NCKAP1: variants seen among roughly 807,000 people sequenced by gnomAD.
NCKAP1 encodes nck-associated protein 1.
Under a neutral mutation model 151.2 loss-of-function variants are expected in NCKAP1, and 21 were observed. That is an observed-to-expected ratio of 0.14 (90% CI 0.10 to 0.20). NCKAP1 has a LOEUF of 0.20. Among genes scored for constraint, NCKAP1 ranks in the 10% least tolerant of loss-of-function variants. NCKAP1 has a pLI of 1.00. For synonymous variants in NCKAP1, 484 were observed against 451.8 expected (o/e 1.07, Z -0.90); for missense variants, 933 against 1,352.1 (o/e 0.69, Z 4.86).
intron 23 of NCKAP1, among the ~76,000 whole-genome samples, chr2:182,945,765 A>C (rs999690673): frequency 6.6e-6 from 1 of 152,184 alleles, no homozygotes; most frequent in Non-Finnish European, 1.5e-5. Flanking sequence ...AAGAACTTAA[A>C]ACAGAATTAC....
rs887288947 is a variant in NCKAP1, at chr2:182,918,873, A to C, written c.*6829T>G. 3 of 152,250 alleles carry C rather than the reference A, an allele frequency of 2.0e-5. No individual in the cohort carries two copies. The highest frequency in any genetic ancestry group is 2.9e-5 in the Non-Finnish European group (2 of 68,036). The allele number at this position is 152,250 out of a possible 1,614,324, so 9.4% of individuals were successfully genotyped here. On this transcript the variant is annotated 3_prime_UTR_variant, in exon 31 of 31. Transcript: ENST00000361354. ...TTAATTAAAAAATGCTATTGGTTAG[A>C]AAAGTCCACACTCACATTTGAGAGA...
chr2:182,987,037 T>C (rs1419117092), intron 9 of NCKAP1, among the ~76,000 whole-genome samples: 1 of 151,324 alleles, frequency 6.6e-6, no homozygotes, highest in Non-Finnish European at 1.5e-5. Flanking sequence ...AGGGCAGGAG[T>C]TCAAGACCAG....
intron 2 of NCKAP1, among the ~76,000 whole-genome samples, chr2:183,006,954 C>CT (rs1698483414): frequency 6.6e-6 from 1 of 151,860 alleles, no homozygotes; most frequent in Non-Finnish European, 1.5e-5. Flanking sequence ...TCACTGCAAT[C>CT]TCTGCCTTCC....
At chr2:183,034,364 T>G (rs1699061850) in intron 1 of NCKAP1, among the ~76,000 whole-genome samples, 1 of 141,610 alleles carries the variant, frequency 7.1e-6, no homozygotes, top group African/African-American at 2.5e-5. Context: ...CTTTAAAAAG[T>G]TTGTAATAGT....
At chr2:183,004,502 A>C (rs1404158044) in intron 2 of NCKAP1, among the ~76,000 whole-genome samples, 1 of 151,612 alleles carries the variant, frequency 6.6e-6, no homozygotes, top group Non-Finnish European at 1.5e-5. Context: ...AAAAAAAAAA[A>C]AAAAACAGCA....
At chr2:183,000,469 T>C (rs1175774320) in intron 6 of NCKAP1, among the ~76,000 whole-genome samples, 2 of 151,918 alleles carry the variant, frequency 1.3e-5, no homozygotes, top group Non-Finnish European at 2.9e-5. Flanking sequence ...AAATCCTAAA[T>C]GGATCCAGAG....
At position 182,912,441 on chromosome 2, in the gene NCKAP1, T is replaced by A. The variant is rs1696410026; in HGVS notation, c.*13261A>T. On this transcript the variant is annotated 3_prime_UTR_variant, in exon 31 of 31. Transcript: ENST00000361354. ...ATGTGGCAATGAGATACAAGTGCCATCTTTTAGCACATTATAATAATCCTG... is the reference window on the plus strand; with the variant it reads ...ATGTGGCAATGAGATACAAGTGCCAACTTTTAGCACATTATAATAATCCTG... 1 of 152,208 alleles carries A rather than the reference T, an allele frequency of 6.6e-6. No homozygotes were observed. The highest frequency in any genetic ancestry group is 1.5e-5 in the Non-Finnish European group (1 of 68,038). The allele number at this position is 152,208 out of a possible 1,614,324, so 9.4% of individuals were successfully genotyped here.
At chr2:182,974,210 T>C (rs1190417561) in intron 15 of NCKAP1, among the ~76,000 whole-genome samples, 2 of 150,256 alleles carry the variant, frequency 1.3e-5, no homozygotes, top group Admixed American at 6.7e-5. Flanking sequence ...TCTGGCTTAG[T>C]GTTATGTCCC....
Position 183,038,136 on chromosome 2 carries a change from G to A in NCKAP1, c.-37C>T. On this transcript the variant is annotated 5_prime_UTR_variant, in exon 1 of 31. Transcript: ENST00000361354. ...TGCCGCCGCCGCCGCCGGCCGCCTC[G>A]CGCCCAGTCACGGGCCCGCGGCCTT... The A allele has an allele frequency of 6.8e-7, 1 of 1,474,172 alleles. No homozygotes were observed. The highest frequency in any genetic ancestry group is 9.0e-7 in the Non-Finnish European group (1 of 1,109,330). 91.3% of individuals were successfully genotyped at this position (1,474,172 alleles called of 1,614,324 possible). A position where few individuals can be genotyped will look rare whatever the true frequency, so the allele number is the denominator to read the frequency against.
Position 182,914,722 on chromosome 2 carries a change from T to C in NCKAP1, c.*10980A>G, listed in dbSNP as rs1310344254. 1.3e-5 allele frequency: 2 copies of C among 152,142 alleles called. No individual in the cohort carries two copies. Among genetic ancestry groups the C allele is most frequent in the Admixed American group, 1.3e-4 (2 of 15,274 alleles). The allele number at this position is 152,142 out of a possible 1,614,324, so 9.4% of individuals were successfully genotyped here. On this transcript the variant is annotated 3_prime_UTR_variant, in exon 31 of 31. Transcript: ENST00000361354. ...TAAAAAGGAACAAATTCCCCTCTAA[T>C]AAATTACCCCCACAGAAAATATGCT... is the stretch of plus-strand genomic sequence containing the variant.
rs1696352809 is a variant in NCKAP1 at position 182,909,324 on chromosome 2, A to G, written c.*16378T>C. ...AGAACTTTTTCGTCTTCCCCAACTG[A>G]AACTCTGTTCCCTTCATACACCTTC... On this transcript the variant is annotated 3_prime_UTR_variant, in exon 31 of 31. Transcript: ENST00000361354. 6.6e-6 allele frequency: 1 copy of G among 152,176 alleles called. No individual in the cohort carries two copies. The highest frequency in any genetic ancestry group is 2.1e-4 in the South Asian group (1 of 4,828). 9.4% of individuals were successfully genotyped at this position (152,176 alleles called of 1,614,324 possible).
chr2:183,033,003 C>G (rs1254991253), intron 1 of NCKAP1, among the ~76,000 whole-genome samples: 1 of 152,148 alleles, frequency 6.6e-6, no homozygotes, highest in African/African-American at 2.4e-5. Flanking sequence ...GAGCTGAGAT[C>G]GTGCCATTGT....
chr2:183,016,031 C>G (rs917212849), intron 2 of NCKAP1, among the ~76,000 whole-genome samples: 1 of 152,076 alleles, frequency 6.6e-6, no homozygotes, highest in African/African-American at 2.4e-5. Flanking sequence ...AGGAGAGACA[C>G]TGTCTAAAGT....
intron 8 of NCKAP1, among the ~76,000 whole-genome samples, chr2:182,989,764 G>A (rs550441167): frequency 6.6e-6 from 1 of 151,858 alleles, no homozygotes; most frequent in African/African-American, 2.4e-5. Context: ...CATTTTGGGA[G>A]GCCAAGGCAG....
intron 1 of NCKAP1, among the ~76,000 whole-genome samples, chr2:183,031,765 G>A (rs1387259387): frequency 6.6e-6 from 1 of 152,160 alleles, no homozygotes; most frequent in East Asian, 1.9e-4. Flanking sequence ...CCAAAAACGT[G>A]AGATAACTGG....
intron 16 of NCKAP1, among the ~76,000 whole-genome samples, chr2:182,965,140 C>T (rs1697539393): frequency 6.6e-6 from 1 of 152,078 alleles, no homozygotes; most frequent in African/African-American, 2.4e-5. Context: ...CCTATAATCT[C>T]AGCACTTTGG....
At chr2:183,035,371 TTAAC>T (rs765351858) in intron 1 of NCKAP1, among the ~76,000 whole-genome samples, 13 of 152,174 alleles carry the variant, frequency 8.5e-5, no homozygotes, top group Non-Finnish European at 1.5e-4. Flanking sequence ...GTTATTTTAC[TTAAC>T]TATTTTTCAT....
intron 1 of NCKAP1, among the ~76,000 whole-genome samples, chr2:183,037,528 T>C (rs1416716834): frequency 6.6e-6 from 1 of 152,180 alleles, no homozygotes; most frequent in African/African-American, 2.4e-5. Context: ...TCTACCCACA[T>C]TCCCACACCA....
At chr2:182,982,702 A>G in intron 12 of NCKAP1, 119 bp downstream of exon 12, 2 of 658,908 alleles carry the variant, frequency 3.0e-6, no homozygotes, top group Admixed American at 6.4e-5. Flanking sequence ...TAGGTGTACT[A>G]AATGAATTTC....
Sources: allele counts gnomAD v4.1 joint callset (sites outside exome capture counted in the v4.1 genomes callset), GRCh38; gene constraint gnomAD v4.1.1; transcripts MANE v1.5; gene names NCBI Gene and HGNC (gene_info 2026-07-23, HGNC 2026-07-21).